Variants in GABRR2 observed in about 807,000 individuals in gnomAD.
GABRR2 encodes the protein gamma-aminobutyric acid type A receptor subunit rho2, also known as gamma-aminobutyric acid receptor subunit rho-2.
In GABRR2, 36 loss-of-function variants were observed where a neutral mutation model predicts 47.0. The ratio of observed to expected loss-of-function variants is 0.77; its 90% CI spans 0.59 to 1.01. The LOEUF is 1.01. Among genes scored for constraint, GABRR2 ranks in the 50% least tolerant of loss-of-function variants. The pLI, the probability that GABRR2 is intolerant of heterozygous loss-of-function variation, is 0.00. For missense variants in GABRR2, 587 were observed against 594.6 expected (o/e 0.99, Z 0.13); for synonymous variants, 204 against 227.5 (o/e 0.90, Z 0.93).
intron 2 of GABRR2, among the ~76,000 whole-genome samples, chr6:89,277,875 G>C (rs1227747543): frequency 7.4e-6 from 1 of 134,534 alleles, no homozygotes; most frequent in East Asian, 2.6e-4. Flanking sequence ...GGGTGGGGGG[G>C]GGTGGGGGCT....
chr6:89,308,257 G>A (rs761280827), intron 1 of GABRR2, among the ~76,000 whole-genome samples: 12 of 152,270 alleles, frequency 7.9e-5, no homozygotes, highest in Non-Finnish European at 1.3e-4. Context: ...GCTCTGCCCA[G>A]ATGGCATAAT....
At chr6:89,270,938 T>C (rs1774036751) in intron 3 of GABRR2, among the ~76,000 whole-genome samples, 1 of 152,164 alleles carries the variant, frequency 6.6e-6, no homozygotes, top group African/African-American at 2.4e-5. Flanking sequence ...TAAATGATGA[T>C]GTAGGCTATG....
intron 6 of GABRR2, among the ~76,000 whole-genome samples, chr6:89,267,137 T>C (rs1004693425): frequency 1.4e-4 from 22 of 151,912 alleles, no homozygotes; most frequent in African/African-American, 5.1e-4. Flanking sequence ...GTAGCTGGGA[T>C]TACAGGTGCA....
chr6:89,295,982 G>C (rs184663476), intron 2 of GABRR2, among the ~76,000 whole-genome samples: 1 of 152,172 alleles, frequency 6.6e-6, no homozygotes, highest in Admixed American at 6.5e-5. Flanking sequence ...ATTGGTCTAT[G>C]TCTCTGTTTT....
chr6:89,292,735 CA>C (rs1774474925), intron 2 of GABRR2, among the ~76,000 whole-genome samples: 2 of 93,100 alleles, frequency 2.1e-5, no homozygotes, highest in Non-Finnish European at 4.5e-5. Context: ...TCGTATATAT[CA>C]TATATAATCG....
At chr6:89,308,487 T>A (rs553143167) in intron 1 of GABRR2, among the ~76,000 whole-genome samples, 4 of 152,224 alleles carry the variant, frequency 2.6e-5, no homozygotes, top group East Asian at 1.9e-4. Flanking sequence ...TAAAAAAAAA[T>A]TAAATAAATA....
intron 2 of GABRR2, among the ~76,000 whole-genome samples, chr6:89,277,862 CGGGGGTGGGG>C (rs1264043717): frequency 6.7e-4 from 1 of 1,500 alleles, no homozygotes; most frequent in East Asian, 6.8e-3. Context: ...CAGTGGTGGG[CGGGGGTGGGG>C]GGGGGTGGGG....
At chr6:89,282,032 G>A (rs1774261834) in intron 2 of GABRR2, among the ~76,000 whole-genome samples, 1 of 152,120 alleles carries the variant, frequency 6.6e-6, no homozygotes, top group Non-Finnish European at 1.5e-5. Context: ...CATCCGTCCA[G>A]CCACCTCCCT....
At chr6:89,303,829 T>C (rs1767505284) in intron 1 of GABRR2, among the ~76,000 whole-genome samples, 1 of 152,136 alleles carries the variant, frequency 6.6e-6, no homozygotes, top group Admixed American at 6.5e-5. Flanking sequence ...TCTGATCTTA[T>C]GCAAAGCCAA....
intron 8 of GABRR2, 74 bp downstream of exon 8, chr6:89,264,338 G>GC (rs1382690117): frequency 3.4e-6 from 5 of 1,485,856 alleles, no homozygotes; most frequent in Non-Finnish European, 1.8e-6. Context: ...CCCTGCCTCT[G>GC]CCCCCTGGCC....
chr6:89,282,726 ACAGAGG>A (rs1774271151), intron 2 of GABRR2, among the ~76,000 whole-genome samples: 1 of 152,244 alleles, frequency 6.6e-6, no homozygotes. Flanking sequence ...CACCAGGCCC[ACAGAGG>A]CAGCCCGAAG....
At chr6:89,259,883 CT>C (rs59831214) in intron 8 of GABRR2, among the ~76,000 whole-genome samples, 428 of 67,608 alleles carry the variant, frequency 6.3e-3, no homozygotes, top group Non-Finnish European at 9.7e-3. Context: ...CTCTCTCTCT[CT>C]TTTTTTTTTT....
Position 89,315,145 on chromosome 6 carries a change from G to C in GABRR2, c.21C>G (p.Leu7=). The C allele has an allele frequency of 1.2e-6, 2 of 1,613,890 alleles. No homozygotes were observed. The highest frequency in any genetic ancestry group is 1.3e-5 in the African/African-American group (1 of 75,006). Residue 7 remains leucine (L), a synonymous_variant, in exon 1 of 9, where the codon CTC becomes CTG. Coordinates refer to ENST00000402938, the MANE Select transcript of GABRR2 (RefSeq NM_002043.5). MPYFTR[L]ILFLFCLMVL... is the part of the protein sequence containing the mutation. ...CCATCAAGCAAAACAAGAACAAAAT[G>C]AGTCTTGTAAAATAAGGCATTTTGT... is the stretch of plus-strand genomic sequence containing the variant.
At chr6:89,296,396 C>A (rs768770765) in intron 2 of GABRR2, among the ~76,000 whole-genome samples, 4 of 152,218 alleles carry the variant, frequency 2.6e-5, no homozygotes, top group Non-Finnish European at 5.9e-5. Flanking sequence ...CTCTCCTCCC[C>A]CCGTTTCATC....
intron 2 of GABRR2, among the ~76,000 whole-genome samples, chr6:89,275,704 G>A (rs879387608): frequency 2.6e-5 from 4 of 152,204 alleles, no homozygotes; most frequent in Non-Finnish European, 5.9e-5. Context: ...CAATTCAGGA[G>A]GGGAATTGAG....
Position 89,257,746 on chromosome 6 carries a change from A to G in GABRR2, c.1322T>C (p.Ile441Thr), listed in dbSNP as rs866554373. 2.5e-6 allele frequency: 4 copies of G among 1,614,010 alleles called. No individual in the cohort carries two copies. The highest frequency in any genetic ancestry group is 1.3e-5 in the African/African-American group (1 of 75,058). ...GFRIFQNTHA[I>T]DKYSRLIFPA... ...GAATATCAACCTAGAGTATTTGTCAATGGCATGGGTATTCTGGAAGATACG... is the reference window on the plus strand; with the variant it reads ...GAATATCAACCTAGAGTATTTGTCAGTGGCATGGGTATTCTGGAAGATACG... The change falls in exon 9 of 9, where the codon ATT becomes ACT. Residue 441 changes from isoleucine to threonine, a missense_variant. Ile to Thr is a moderately conservative substitution (Grantham distance 89). Coordinates refer to ENST00000402938, the MANE Select transcript of GABRR2 (RefSeq NM_002043.5).
chr6:89,294,031 C>T (rs1477400497), intron 2 of GABRR2, among the ~76,000 whole-genome samples: 1 of 152,096 alleles, frequency 6.6e-6, no homozygotes, highest in Non-Finnish European at 1.5e-5. Context: ...AAGCTGATTC[C>T]TCTCTCTCTC....
At chr6:89,298,177 C>G (rs1774589611) in intron 2 of GABRR2, among the ~76,000 whole-genome samples, 1 of 152,150 alleles carries the variant, frequency 6.6e-6, no homozygotes, top group South Asian at 2.1e-4. Flanking sequence ...GAGTCACAGG[C>G]CTGTAATCTG....
chr6:89,272,605 T>G (rs1034325456), intron 2 of GABRR2, among the ~76,000 whole-genome samples: 1 of 152,208 alleles, frequency 6.6e-6, no homozygotes, highest in African/African-American at 2.4e-5. Flanking sequence ...TGAATGCCAT[T>G]ACACTGCAAG....
Sources: gnomAD v4.1 joint callset for allele counts (sites outside exome capture counted in the v4.1 genomes callset) on GRCh38, gnomAD v4.1.1 for gene constraint, MANE v1.5 for transcripts, NCBI Gene and HGNC (gene_info 2026-07-23, HGNC 2026-07-21) for gene names.